The following CCKBR variants were observed in gnomAD, a reference collection of about 807,000 sequenced individuals.
CCKBR encodes the protein gastrin/cholecystokinin type B receptor.
CCKBR carries 33 observed loss-of-function variants against 34.6 expected under a neutral mutation model. The observed-to-expected ratio is 0.95, with a 90% CI of 0.72 to 1.27. The LOEUF (loss-of-function observed/expected upper bound fraction) is 1.27, where lower values mean the gene tolerates loss of function less well. Among genes scored for constraint, CCKBR ranks in the 50% most tolerant of loss-of-function variants. CCKBR has a pLI of 0.00. For synonymous variants in CCKBR, 269 were observed against 267.5 expected, an observed-to-expected ratio of 1.01 and a Z score of -0.06; for missense variants, 652 against 617.4, an observed-to-expected ratio of 1.06 and a Z score of -0.59.
At chr11:6,262,686 A>AAGAGAGAGAGAGAGAGAGAGAGAGAG (rs57265861) in intron 1 of CCKBR, among the ~76,000 whole-genome samples, 1 of 119,204 alleles carries the variant, frequency 8.4e-6, no homozygotes, top group African/African-American at 3.1e-5. Flanking sequence ...TAGGCAAAGA[A>AAGAGAGAGAGAGAGAGAGAGAGAGAG]AGAGAGAGAG....
In CCKBR at chr11:6,270,093, T is replaced by G. The variant is rs1001128125; in HGVS notation, c.409T>G (p.Ser137Ala). The G allele has an allele frequency of 6.2e-7, 1 of 1,603,876 alleles. No individual in the cohort carries two copies. Among genetic ancestry groups the G allele is most frequent in the Non-Finnish European group, 8.5e-7 (1 of 1,172,618 alleles). ...CKAVSYLMGV[S>A]VSVSTLSLVA... ...CTTTCTCTTCCCTTGTTTAGGGGTG[T>G]CTGTGAGTGTGTCCACGCTAAGCCT... is the stretch of plus-strand genomic sequence containing the variant. Residue 137 changes from serine (S) to alanine (A), a missense_variant, in exon 3 of 5, where the codon TCT becomes GCT. Physicochemically the swap from Ser to Ala is moderately conservative, Grantham distance 99. Coordinates refer to ENST00000334619, the MANE Select transcript of CCKBR (RefSeq NM_176875.4).
chr11:6,267,991 C>T (rs2947027), intron 1 of CCKBR, among the ~76,000 whole-genome samples: 113,256 of 152,030 alleles, frequency 0.74, 43,045 homozygotes, highest in East Asian at 0.93. Context: ...ACTATAGGCA[C>T]GTATCACCAC....
Position 6,270,816 on chromosome 11 carries a change from C to T in CCKBR, c.811+13C>T. On this transcript the variant is annotated intron_variant, in intron 4 of 4. Transcript: ENST00000334619. ...GGCGGGCTGCCAGGTGGGGCTGGACCACGTGAGCAAAATCTGGGCGAGGCG... is the reference window on the plus strand; with the variant it reads ...GGCGGGCTGCCAGGTGGGGCTGGACTACGTGAGCAAAATCTGGGCGAGGCG... 1 of 1,614,060 alleles carries T rather than the reference C, an allele frequency of 6.2e-7. No homozygotes were observed.
chr11:6,261,083 A>C (rs1236595214), intron 1 of CCKBR, among the ~76,000 whole-genome samples: 2 of 152,148 alleles, frequency 1.3e-5, no homozygotes, highest in East Asian at 3.9e-4. Flanking sequence ...GTATTTATTT[A>C]CCCCACGAAA....
Position 6,271,638 on chromosome 11 carries a change from C to G in CCKBR, c.*95C>G. On this transcript the variant is annotated 3_prime_UTR_variant, in exon 5 of 5. Coordinates refer to ENST00000334619, the MANE Select transcript of CCKBR (RefSeq NM_176875.4). ...ACAAACCACAACTGACACAGGAAAC[C>G]AACACCCAAAGCATGGACTAACCCC... 7.9e-7 allele frequency: 1 copy of G among 1,272,024 alleles called. No homozygotes were observed. The highest frequency in any genetic ancestry group is 1.1e-6 in the Non-Finnish European group (1 of 939,474). The allele number at this position is 1,272,024 out of a possible 1,614,324, so 78.8% of individuals were successfully genotyped here. A position where few individuals can be genotyped will look rare whatever the true frequency, so the allele number is the denominator to read the frequency against.
At chr11:6,260,889 C>A (rs1006405118) in intron 1 of CCKBR, among the ~76,000 whole-genome samples, 3 of 152,122 alleles carry the variant, frequency 2.0e-5, no homozygotes, top group African/African-American at 7.2e-5. Flanking sequence ...CAATGGAAGT[C>A]CCATGAAAGG....
chr11:6,269,564 T>C (rs1848259707), intron 1 of CCKBR, 105 bp from the exon 2 acceptor site: 16 of 1,301,950 alleles, frequency 1.2e-5, no homozygotes, highest in African/African-American at 2.9e-5. Flanking sequence ...GTGGGGAATG[T>C]AGGCATCTGG....
intron 1 of CCKBR, among the ~76,000 whole-genome samples, chr11:6,269,396 T>C (rs921305403): frequency 1.3e-5 from 2 of 152,120 alleles, no homozygotes; most frequent in African/African-American, 4.8e-5. Flanking sequence ...AAATATCCTC[T>C]TAAGAAGTTT....
At chr11:6,261,462 TACACACACACAC>T (rs60678871) in intron 1 of CCKBR, among the ~76,000 whole-genome samples, 24 of 64,006 alleles carry the variant, frequency 3.7e-4, no homozygotes, top group African/African-American at 7.2e-4. Flanking sequence ...AAAATATATA[TACACACACACAC>T]ACACACACAC....
At position 6,271,204 on chromosome 11, in the gene CCKBR, G is replaced by A. The variant is rs201854899; in HGVS notation, c.1005G>A (p.Leu335=). 2 of 1,614,200 alleles carry A rather than the reference G, an allele frequency of 1.2e-6. No individual in the cohort carries two copies. Among genetic ancestry groups the A allele is most frequent in the Non-Finnish European group, 1.7e-6 (2 of 1,180,038 alleles). The change falls in exon 5 of 5, where the codon TTG becomes TTA. Residue 335 remains leucine (L), a synonymous_variant. Transcript: ENST00000334619. ...CTAAGAAGCGCGTGGTGCGAATGTTGCTGGTGATCGTTGTGCTTTTTTTTC... is the reference window on the plus strand; with the variant it reads ...CTAAGAAGCGCGTGGTGCGAATGTTACTGGTGATCGTTGTGCTTTTTTTTC... ...LLAKKRVVRM[L]LVIVVLFFLC... is the part of the protein sequence containing the mutation.
At chr11:6,262,754 C>G (rs762402895) in intron 1 of CCKBR, among the ~76,000 whole-genome samples, 27 of 148,932 alleles carry the variant, frequency 1.8e-4, no homozygotes, top group Non-Finnish European at 3.0e-4. Context: ...CCAAAAATAG[C>G]ATGAGATTGA....
chr11:6,262,622 AG>A (rs1848150304), intron 1 of CCKBR, among the ~76,000 whole-genome samples: 1 of 150,056 alleles, frequency 6.7e-6, no homozygotes, highest in Non-Finnish European at 1.5e-5. Flanking sequence ...TGGTGAGAGA[AG>A]GAGTTATGAG....
At chr11:6,263,274 A>T (rs1196448960) in intron 1 of CCKBR, among the ~76,000 whole-genome samples, 2 of 152,166 alleles carry the variant, frequency 1.3e-5, no homozygotes, top group Admixed American at 6.5e-5. Context: ...CATCCATCAA[A>T]CACTACTCAC....
At chr11:6,260,851 A>T (rs60025126) in intron 1 of CCKBR, among the ~76,000 whole-genome samples, 3,829 of 152,308 alleles carry the variant, frequency 0.025, 121 homozygotes, top group African/African-American at 0.076. Flanking sequence ...TGCAGAGAGA[A>T]ACCAAGCAAA....
intron 1 of CCKBR, among the ~76,000 whole-genome samples, chr11:6,261,883 A>G (rs1254401850): frequency 6.6e-6 from 1 of 152,218 alleles, no homozygotes; most frequent in Non-Finnish European, 1.5e-5. Context: ...GTGAAAGATG[A>G]TGCTAGCTGA....
intron 1 of CCKBR, among the ~76,000 whole-genome samples, chr11:6,261,454 A>AAATATAT (rs1447691939): frequency 2.3e-4 from 14 of 60,884 alleles, no homozygotes; most frequent in African/African-American, 5.6e-4. Context: ...AAAAAAAAAA[A>AAATATAT]ATATATATAC....
Position 6,270,433 on chromosome 11 carries a change from AT to A in CCKBR, c.653+98del. The A allele has an allele frequency of 5.4e-6, 8 of 1,489,366 alleles. No individual in the cohort carries two copies. In the South Asian group the frequency reaches 8.8e-5, roughly 16 times the overall value. 92.3% of individuals were successfully genotyped at this position (1,489,366 alleles called of 1,614,324 possible). On this transcript the variant is annotated intron_variant, in intron 3 of 4. Transcript: ENST00000334619. The stretch of plus-strand genomic sequence containing the variant: ...GAATCTTCCTCCAGCTTCCCGGAGA[AT>A]TACCACGCCAACTCCTATTCTGCAT...
intron 1 of CCKBR, among the ~76,000 whole-genome samples, chr11:6,260,428 C>T (rs1013128596): frequency 6.6e-6 from 1 of 152,158 alleles, no homozygotes; most frequent in African/African-American, 2.4e-5. Flanking sequence ...ATCTCCTTTT[C>T]CCTCTTACAT....
At position 6,270,163 on chromosome 11, in the gene CCKBR, T is replaced by G; in HGVS notation, c.479T>G (p.Leu160Arg). ...CGGTACAGCGCCATCTGCCGACCAC[T>G]GCAGGCACGAGTGTGGCAGACGCGC... ...LERYSAICRPLQARVWQTRSH... is the reference protein window; with the variant it reads ...LERYSAICRPRQARVWQTRSH... Residue 160 changes from leucine (L) to arginine (R), a missense_variant, in exon 3 of 5, where the codon CTG becomes CGG. Leu to Arg is a moderately radical substitution (Grantham distance 102, BLOSUM62 -2). Coordinates refer to ENST00000334619, the MANE Select transcript of CCKBR (RefSeq NM_176875.4). The G allele has an allele frequency of 6.2e-7, 1 of 1,613,982 alleles. No individual in the cohort carries two copies. Among genetic ancestry groups the G allele is most frequent in the Non-Finnish European group, 8.5e-7 (1 of 1,180,000 alleles).
Sources: allele counts gnomAD v4.1 joint callset (sites outside exome capture counted in the v4.1 genomes callset), GRCh38; gene constraint gnomAD v4.1.1; transcripts MANE v1.5; gene names NCBI Gene and HGNC (gene_info 2026-07-23, HGNC 2026-07-21).